Variants in SORCS1 observed in about 807,000 individuals in gnomAD.
The protein encoded by SORCS1 is VPS10 domain-containing receptor SorCS1.
In SORCS1, 60 loss-of-function variants were observed where a neutral mutation model predicts 146.1. The ratio of observed to expected loss-of-function variants is 0.41; its 90% CI spans 0.33 to 0.51. The LOEUF is 0.51. Among genes scored for constraint, SORCS1 ranks in the 20% least tolerant of loss-of-function variants. The pLI, the probability that SORCS1 is intolerant of heterozygous loss-of-function variation, is 0.21. For missense variants in SORCS1, 1,352 were observed against 1,487.6 expected, an observed-to-expected ratio of 0.91 and a Z score of 1.50; for synonymous variants, 637 against 584.0, an observed-to-expected ratio of 1.09 and a Z score of -1.31.
chr10:106,908,936 A>T (rs1166408046), intron 2 of SORCS1, among the ~76,000 whole-genome samples: 1 of 151,348 alleles, frequency 6.6e-6, no homozygotes, highest in African/African-American at 2.4e-5. Flanking sequence ...TTACTCCATT[A>T]TTTTTTTTTA....
chr10:107,159,132 G>T (rs1969520397), intron 1 of SORCS1, among the ~76,000 whole-genome samples: 1 of 152,110 alleles, frequency 6.6e-6, no homozygotes, highest in Non-Finnish European at 1.5e-5. Context: ...GGCCTGCTGG[G>T]ATCTCACATT....
intron 1 of SORCS1, among the ~76,000 whole-genome samples, chr10:107,000,982 A>C (rs926569765): frequency 6.6e-6 from 1 of 152,244 alleles, no homozygotes; most frequent in African/African-American, 2.4e-5. Context: ...TTTTTGTATA[A>C]ATTTCTTGAC....
intron 10 of SORCS1, among the ~76,000 whole-genome samples, chr10:106,685,888 G>T (rs1260966460): frequency 6.6e-6 from 1 of 152,176 alleles, no homozygotes; most frequent in Admixed American, 6.5e-5. Flanking sequence ...TTAAAAAACA[G>T]CAATCTGATA....
At chr10:106,679,455 T>A in intron 11 of SORCS1, 123 bp from the exon 12 acceptor site, 4 of 957,530 alleles carry the variant, frequency 4.2e-6, no homozygotes, top group Non-Finnish European at 6.3e-6. Flanking sequence ...GCAGGGGTTT[T>A]CTGCAGACTT....
chr10:106,955,557 T>C (rs915956541), intron 2 of SORCS1, among the ~76,000 whole-genome samples: 1 of 152,248 alleles, frequency 6.6e-6, no homozygotes, highest in Non-Finnish European at 1.5e-5. Flanking sequence ...GAAAAAATCC[T>C]GTATCATTTC....
chr10:106,616,567 C>G (rs1401392360), intron 21 of SORCS1, among the ~76,000 whole-genome samples: 7 of 152,198 alleles, frequency 4.6e-5, no homozygotes, highest in Non-Finnish European at 7.3e-5. Context: ...CTTTGCCGCA[C>G]TCTATACACA....
At chr10:106,704,425 C>T (rs1047814137) in intron 8 of SORCS1, among the ~76,000 whole-genome samples, 1 of 152,030 alleles carries the variant, frequency 6.6e-6, no homozygotes, top group Admixed American at 6.5e-5. Flanking sequence ...GGCTCAGTGG[C>T]TCACACCTGT....
the SORCS1 span, among the ~76,000 whole-genome samples, chr10:107,169,984 A>G: frequency 6.6e-6 from 1 of 152,188 alleles, no homozygotes; most frequent in Admixed American, 6.5e-5. Flanking sequence ...ACATATGCAT[A>G]TATATTTTTC....
At chr10:106,754,995 A>C (rs1476258121) in intron 5 of SORCS1, among the ~76,000 whole-genome samples, 1 of 152,190 alleles carries the variant, frequency 6.6e-6, no homozygotes. Context: ...TCTTTTGCAT[A>C]ATTAATAGGT....
At chr10:106,931,792 C>T (rs1420702745) in intron 2 of SORCS1, among the ~76,000 whole-genome samples, 1 of 152,112 alleles carries the variant, frequency 6.6e-6, no homozygotes, top group Non-Finnish European at 1.5e-5. Flanking sequence ...CACTGCTGTT[C>T]ATTTTTCCTG....
At chr10:106,652,248 C>A (rs1849919089) in intron 18 of SORCS1, 134 bp downstream of exon 18, 5 of 888,062 alleles carry the variant, frequency 5.6e-6, no homozygotes, top group Non-Finnish European at 8.0e-6. Context: ...AAACAAGGAA[C>A]TAAAAGTAAA....
Position 106,867,287 on chromosome 10 carries a change from A to T in SORCS1, c.627-37614T>A, listed in dbSNP as rs866553775. Among the ~76,000 whole-genome samples, 28 of 144,964 alleles carry T rather than the reference A, an allele frequency of 1.9e-4. No homozygotes were observed. In the Middle Eastern group the frequency reaches 0.01, roughly 54 times the overall value. On this transcript the variant is annotated intron_variant, in intron 2 of 25. Coordinates refer to ENST00000263054, the MANE Select transcript of SORCS1 (RefSeq NM_052918.5). The stretch of plus-strand genomic sequence containing the variant: ...AGGACAGATTGGAAGCTTATATTAA[A>T]TTTTTTTTTTTTTTTGAAACGGAGT...
At chr10:106,806,089 G>T (rs1315054101) in intron 3 of SORCS1, among the ~76,000 whole-genome samples, 1 of 147,538 alleles carries the variant, frequency 6.8e-6, no homozygotes, top group Non-Finnish European at 1.5e-5. Flanking sequence ...CATGGAGTAG[G>T]CCGGGCACGG....
At chr10:106,940,258 T>C (rs1231819696) in intron 2 of SORCS1, among the ~76,000 whole-genome samples, 2 of 152,216 alleles carry the variant, frequency 1.3e-5, no homozygotes, top group Admixed American at 6.5e-5. Context: ...TGATAACTAA[T>C]ATGGGACATG....
chr10:106,834,085 G>A (rs1001133104), intron 2 of SORCS1, among the ~76,000 whole-genome samples: 3 of 152,082 alleles, frequency 2.0e-5, no homozygotes, highest in Non-Finnish European at 2.9e-5. Context: ...GAGCCACCAC[G>A]CCCGGTCATG....
At chr10:107,051,381 T>A (rs576286026) in intron 1 of SORCS1, among the ~76,000 whole-genome samples, 1 of 152,138 alleles carries the variant, frequency 6.6e-6, no homozygotes, top group African/African-American at 2.4e-5. Context: ...GTCAAGTCCA[T>A]AGTACAGAAA....
chr10:106,725,507 C>T (rs951033159), intron 6 of SORCS1, among the ~76,000 whole-genome samples: 3 of 151,154 alleles, frequency 2.0e-5, no homozygotes, highest in Non-Finnish European at 4.4e-5. Context: ...GCTGAGATCG[C>T]GCCATTACAC....
chr10:106,931,866 G>A (rs1953436985), intron 2 of SORCS1, among the ~76,000 whole-genome samples: 1 of 152,044 alleles, frequency 6.6e-6, no homozygotes, highest in South Asian at 2.1e-4. Context: ...TCAAAGGTAA[G>A]AGCAAAAAGA....
intron 25 of SORCS1, chr10:106,578,163 G>T (rs1388934487): frequency 6.6e-6 from 1 of 152,098 alleles, no homozygotes; most frequent in Non-Finnish European, 1.5e-5. Flanking sequence ...AACATATAAG[G>T]CTTCAACTCC....
Sources: gnomAD v4.1 joint callset for allele counts (sites outside exome capture counted in the v4.1 genomes callset) on GRCh38, gnomAD v4.1.1 for gene constraint, MANE v1.5 for transcripts, NCBI Gene and HGNC (gene_info 2026-07-23, HGNC 2026-07-21) for gene names.